The following GRM5 variants were observed in gnomAD, a reference collection of about 807,000 sequenced individuals.
GRM5 encodes glutamate metabotropic receptor 5, also known as metabotropic glutamate receptor 5.
A neutral mutation model predicts 83.1 loss-of-function variants in GRM5; 19 were observed. The ratio of observed to expected loss-of-function variants is 0.23; its 90% confidence interval spans 0.16 to 0.34. The LOEUF (loss-of-function observed/expected upper bound fraction) is 0.34, where lower values mean the gene tolerates loss of function less well. Ranked by LOEUF, GRM5 falls within the 10% of genes least tolerant of loss-of-function variation. GRM5 has a pLI of 1.00. For synonymous variants in GRM5, 675 were observed against 633.6 expected, an observed-to-expected ratio of 1.07 and a Z score of -0.98; for missense variants, 1,160 against 1,588.3, an observed-to-expected ratio of 0.73 and a Z score of 4.58.
intron 3 of GRM5, among the ~76,000 whole-genome samples, chr11:88,849,252 G>A (rs1944350145): frequency 6.6e-6 from 1 of 151,882 alleles, no homozygotes; most frequent in East Asian, 1.9e-4. Flanking sequence ...TATTATATAT[G>A]TATATACTTT....
intron 2 of GRM5, among the ~76,000 whole-genome samples, chr11:88,858,993 A>T (rs541414262): frequency 6.6e-6 from 1 of 152,050 alleles, no homozygotes; most frequent in Non-Finnish European, 1.5e-5. Flanking sequence ...ACTGAGAAGG[A>T]ATAGCTCACA....
At position 88,990,416 on chromosome 11, in the gene GRM5, T is replaced by C. The variant is rs1214358198; in HGVS notation, c.661+56796A>G. On this transcript the variant is annotated intron_variant, in intron 2 of 9. Transcript: ENST00000305447. The stretch of plus-strand genomic sequence containing the variant: ...GTCCAGGACCAGATGGATTCACAGC[T>C]GAATTCTACCAGAGGTACAAGGAGG... Among the ~76,000 whole-genome samples, 323 of 147,700 alleles carry C rather than the reference T, an allele frequency of 2.2e-3. 4 individuals carry two copies. Among genetic ancestry groups the C allele is most frequent in the African/African-American group, 7.3e-3 (297 of 40,420 alleles).
chr11:88,995,190 G>C (rs1238450887), intron 2 of GRM5, among the ~76,000 whole-genome samples: 1 of 152,062 alleles, frequency 6.6e-6, no homozygotes, highest in Non-Finnish European at 1.5e-5. Flanking sequence ...CATGTAACAA[G>C]ATATGAAATA....
At chr11:89,059,691 A>T (rs1591086016) in intron 1 of GRM5, among the ~76,000 whole-genome samples, 1 of 152,252 alleles carries the variant, frequency 6.6e-6, no homozygotes, top group East Asian at 1.9e-4. Context: ...AAACGCAGAA[A>T]ACTCGACATC....
chr11:88,850,252 T>C (rs948450697), intron 2 of GRM5, 97 bp from the exon 3 acceptor site: 1 of 771,896 alleles, frequency 1.3e-6, no homozygotes, highest in Non-Finnish European at 2.1e-6. Flanking sequence ...ATGAAAGTCA[T>C]TGGTATGGGA....
chr11:88,766,482 T>TG (rs1461152111), intron 3 of GRM5, among the ~76,000 whole-genome samples: 1 of 151,992 alleles, frequency 6.6e-6, no homozygotes, highest in Non-Finnish European at 1.5e-5. Context: ...TTAATGGTAC[T>TG]GGGATAGCTG....
chr11:88,657,192 C>T (rs1939786017), intron 3 of GRM5, among the ~76,000 whole-genome samples: 1 of 152,094 alleles, frequency 6.6e-6, no homozygotes, highest in African/African-American at 2.4e-5. Context: ...ACTAAAGGCT[C>T]ACAGCAACCT....
At chr11:88,791,433 A>C (rs934779964) in intron 3 of GRM5, among the ~76,000 whole-genome samples, 4 of 152,168 alleles carry the variant, frequency 2.6e-5, no homozygotes, top group African/African-American at 7.2e-5. Context: ...CTGAACCTTC[A>C]GCAAATGCTG....
intron 3 of GRM5, among the ~76,000 whole-genome samples, chr11:88,848,272 T>C (rs1944331525): frequency 6.6e-6 from 1 of 152,184 alleles, no homozygotes; most frequent in Non-Finnish European, 1.5e-5. Flanking sequence ...CTCAATATCA[T>C]TTTTATTGAA....
At chr11:89,008,894 T>C in intron 2 of GRM5, 1 of 495,694 alleles carries the variant, frequency 2.0e-6, no homozygotes, top group Non-Finnish European at 3.7e-6. Context: ...TGCATTTTCA[T>C]TTGCCTCTGT....
intron 3 of GRM5, among the ~76,000 whole-genome samples, chr11:88,814,067 CATA>C (rs1943629963): frequency 2.6e-5 from 4 of 151,998 alleles, no homozygotes; most frequent in Admixed American, 2.6e-4. Context: ...GACTTCTGAC[CATA>C]ATGTTTTAAC....
intron 7 of GRM5, among the ~76,000 whole-genome samples, chr11:88,573,962 A>G (rs976354075): frequency 1.3e-5 from 2 of 152,198 alleles, no homozygotes; most frequent in Non-Finnish European, 2.9e-5. Flanking sequence ...CATCACTTCC[A>G]TAATTCAGAG....
intron 3 of GRM5, among the ~76,000 whole-genome samples, chr11:88,691,580 C>T (rs547726301): frequency 3.9e-5 from 6 of 152,258 alleles, no homozygotes; most frequent in Admixed American, 6.5e-5. Flanking sequence ...TTTGCTATGT[C>T]TGCTCTCTGC....
At chr11:88,743,988 A>T (rs1341393902) in intron 3 of GRM5, among the ~76,000 whole-genome samples, 1 of 152,200 alleles carries the variant, frequency 6.6e-6, no homozygotes, top group Non-Finnish European at 1.5e-5. Context: ...TTGAAATGAT[A>T]CAAAGGTTGC....
intron 2 of GRM5, among the ~76,000 whole-genome samples, chr11:89,031,522 G>A (rs1205941195): frequency 6.6e-6 from 1 of 151,702 alleles, no homozygotes; most frequent in Non-Finnish European, 1.5e-5. Flanking sequence ...ATAATGCCAC[G>A]AATAACAATG....
At position 88,885,450 on chromosome 11, in the gene GRM5, G is replaced by GTTTTT. The variant is rs61456975; in HGVS notation, c.662-35300_662-35296dup. Among the ~76,000 whole-genome samples the GTTTTT allele has an allele frequency of 9.6e-5, 6 of 62,666 alleles. 1 individual carries two copies. Among genetic ancestry groups the GTTTTT allele is most frequent in the African/African-American group, 3.6e-4 (6 of 16,858 alleles). The allele number at this position is 62,666 out of a possible 152,430, so 41.1% of individuals were successfully genotyped here. ...TTCTGAATTCTATAGTAGGTACCAT[G>GTTTTT]TTTTTTTTTTTTTTTTTTTTTTTTT... On this transcript the variant is annotated intron_variant, in intron 2 of 9. Transcript: ENST00000305447.
chr11:88,838,042 GC>G (rs1235854807), intron 3 of GRM5, among the ~76,000 whole-genome samples: 2 of 118,734 alleles, frequency 1.7e-5, no homozygotes, highest in African/African-American at 6.3e-5. Context: ...ACCAGATCGC[GC>G]CACTGCACTC....
At chr11:88,951,625 G>T (rs1487031379) in intron 2 of GRM5, among the ~76,000 whole-genome samples, 1 of 152,186 alleles carries the variant, frequency 6.6e-6, no homozygotes, top group East Asian at 1.9e-4. Context: ...GAGAAATATT[G>T]TCTATTTAAC....
intron 3 of GRM5, among the ~76,000 whole-genome samples, chr11:88,835,639 T>G (rs920810646): frequency 2.0e-5 from 3 of 152,096 alleles, no homozygotes; most frequent in Admixed American, 6.6e-5. Context: ...AAAAAACAAC[T>G]CTGAGGAAAC....
Sources: allele counts gnomAD v4.1 joint callset (sites outside exome capture counted in the v4.1 genomes callset), GRCh38; gene constraint gnomAD v4.1.1; transcripts MANE v1.5; gene names NCBI Gene and HGNC (gene_info 2026-07-23, HGNC 2026-07-21).